TNFSF4: variants seen among roughly 807,000 people sequenced by gnomAD.
TNFSF4 encodes the protein tumor necrosis factor ligand superfamily member 4.
In TNFSF4, 4 loss-of-function variants were observed where a neutral mutation model predicts 7.3. The observed-to-expected ratio is 0.55, with a 90% CI of 0.27 to 1.25. TNFSF4 has a LOEUF of 1.25. TNFSF4 is among the 50% of genes most tolerant of loss of function. The pLI is 0.12. For missense variants in TNFSF4, 181 were observed against 208.8 expected (o/e 0.87, Z 0.82); for synonymous variants, 76 against 83.7 (o/e 0.91, Z 0.50).
At chr1:173,204,000 C>T (rs1418180206) in intron 1 of TNFSF4, among the ~76,000 whole-genome samples, 4 of 152,190 alleles carry the variant, frequency 2.6e-5, no homozygotes, top group Admixed American at 1.3e-4. Context: ...AATATTCTTA[C>T]AGGGCATTCA....
intron 2 of TNFSF4, among the ~76,000 whole-genome samples, chr1:173,187,287 T>C (rs1166596218): frequency 1.3e-5 from 2 of 152,204 alleles, no homozygotes; most frequent in East Asian, 1.9e-4. Context: ...CAAGGATGGA[T>C]TGGCAACTTC....
the TNFSF4 span, among the ~76,000 whole-genome samples, chr1:173,383,558 G>C: frequency 0.34 from 52,412 of 152,106 alleles, 10,020 homozygotes; most frequent in Middle Eastern, 0.49. Context: ...TCTGGAAAGA[G>C]ACACTGTGGT....
the TNFSF4 span, among the ~76,000 whole-genome samples, chr1:173,240,407 C>T: frequency 6.6e-6 from 1 of 152,174 alleles, no homozygotes; most frequent in Non-Finnish European, 1.5e-5. Flanking sequence ...TGGCATGTTT[C>T]ATGTTGGAGT....
At chr1:173,358,961 T>A in the TNFSF4 span, among the ~76,000 whole-genome samples, 1 of 152,226 alleles carries the variant, frequency 6.6e-6, no homozygotes, top group African/African-American at 2.4e-5. Flanking sequence ...CATGGTGTGT[T>A]CAACCTGTCA....
At position 173,190,393 on chromosome 1, in the gene TNFSF4, C is replaced by T. The variant is rs530298854; in HGVS notation, c.154-1824G>A. 4.6e-5 allele frequency among the ~76,000 whole-genome samples: 7 copies of T among 152,324 alleles called. No individual in the cohort carries two copies. The South Asian group carries it at 1.4e-3, about 32-fold the overall frequency. On this transcript the variant is annotated intron_variant, in intron 1 of 2. Transcript: ENST00000281834. ...CATATTCCATTGGCACCTGCCCACACAGACGAGGAATTCCCTACTTCTATT... is the reference window on the plus strand; with the variant it reads ...CATATTCCATTGGCACCTGCCCACATAGACGAGGAATTCCCTACTTCTATT...
At chr1:173,199,979 TAA>T (rs1649873901) in intron 1 of TNFSF4, among the ~76,000 whole-genome samples, 1 of 152,220 alleles carries the variant, frequency 6.6e-6, no homozygotes, top group African/African-American at 2.4e-5. Context: ...AAATAATCCA[TAA>T]GTTATTATGT....
At chr1:173,351,714 C>T in the TNFSF4 span, 35 of 416,786 alleles carry the variant, frequency 8.4e-5, no homozygotes, top group South Asian at 8.4e-4. Context: ...CATGCCTAAC[C>T]GAAAGGATAA....
upstream of TNFSF4, among the ~76,000 whole-genome samples, chr1:173,211,905 C>T (rs1650386209): frequency 6.6e-6 from 1 of 152,104 alleles, no homozygotes; most frequent in East Asian, 1.9e-4. Flanking sequence ...GTGTCTTAGT[C>T]TATTTTGTGT....
chr1:173,382,241 G>A, the TNFSF4 span, among the ~76,000 whole-genome samples: 3 of 152,046 alleles, frequency 2.0e-5, no homozygotes, highest in South Asian at 2.1e-4. Context: ...TTTAAGAGCT[G>A]TAACACTCAC....
the TNFSF4 span, among the ~76,000 whole-genome samples, chr1:173,337,075 T>A: frequency 6.6e-6 from 1 of 152,096 alleles, no homozygotes; most frequent in African/African-American, 2.4e-5. Flanking sequence ...TTGAGCCAGG[T>A]GATTAAGCAG....
chr1:173,189,210 A>G (rs988344303), intron 1 of TNFSF4, among the ~76,000 whole-genome samples: 52 of 152,264 alleles, frequency 3.4e-4, no homozygotes, highest in African/African-American at 1.3e-3. Context: ...CCCATTTTGG[A>G]TAACGTAGCA....
the TNFSF4 span, among the ~76,000 whole-genome samples, chr1:173,242,127 C>T: frequency 6.6e-6 from 1 of 152,114 alleles, no homozygotes; most frequent in East Asian, 1.9e-4. Flanking sequence ...GAAAAATGTG[C>T]CCCTCCCAGC....
At chr1:173,268,787 G>A in the TNFSF4 span, among the ~76,000 whole-genome samples, 1 of 152,172 alleles carries the variant, frequency 6.6e-6, no homozygotes, top group African/African-American at 2.4e-5. Flanking sequence ...AAAGGATGGG[G>A]AAAGATATAT....
At chr1:173,291,655 G>T in the TNFSF4 span, among the ~76,000 whole-genome samples, 3 of 151,972 alleles carry the variant, frequency 2.0e-5, no homozygotes, top group Non-Finnish European at 4.4e-5. Flanking sequence ...AATCAGAGCA[G>T]AACTGAATGA....
chr1:173,322,675 G>A, the TNFSF4 span, among the ~76,000 whole-genome samples: 17 of 152,234 alleles, frequency 1.1e-4, no homozygotes, highest in South Asian at 3.3e-3. Context: ...GGAAAATCAG[G>A]TCACTCCCAC....
At chr1:173,394,919 G>GAGATAGAT in the TNFSF4 span, among the ~76,000 whole-genome samples, 939 of 150,116 alleles carry the variant, frequency 6.3e-3, 5 homozygotes, top group South Asian at 0.017. Flanking sequence ...TAGATAGATA[G>GAGATAGAT]AGATAGATAG....
the TNFSF4 span, among the ~76,000 whole-genome samples, chr1:173,334,047 T>C: frequency 6.6e-6 from 1 of 152,050 alleles, no homozygotes; most frequent in African/African-American, 2.4e-5. Context: ...TATTAATTAA[T>C]TAATTAATTA....
rs767370528 is a variant in TNFSF4, at chr1:173,207,217, G to T, written c.-41C>A. The T allele has an allele frequency of 3.8e-6, 6 of 1,567,256 alleles. No homozygotes were observed. The highest frequency in any genetic ancestry group is 1.7e-5 in the Admixed American group (1 of 57,914). Reference sequence around the variant, plus strand: ...AGAGGGAAGATGAAGATATGGAAAAGGGGAACGTGCGATAAAACTGAAGTT... The same window carrying T: ...AGAGGGAAGATGAAGATATGGAAAATGGGAACGTGCGATAAAACTGAAGTT... On this transcript the variant is annotated 5_prime_UTR_variant, in exon 1 of 3. Transcript: ENST00000281834.
At chr1:173,221,771 C>A in the TNFSF4 span, among the ~76,000 whole-genome samples, 1 of 152,310 alleles carries the variant, frequency 6.6e-6, no homozygotes, top group East Asian at 1.9e-4. Flanking sequence ...GGTTATGCAA[C>A]TTGGCCTTGG....
Sources: gnomAD v4.1 joint callset for allele counts (sites outside exome capture counted in the v4.1 genomes callset) on GRCh38, gnomAD v4.1.1 for gene constraint, MANE v1.5 for transcripts, NCBI Gene and HGNC (gene_info 2026-07-23, HGNC 2026-07-21) for gene names.